COG2: variants seen among roughly 807,000 people sequenced by gnomAD.
The protein encoded by COG2 is component of oligomeric golgi complex 2, also known as conserved oligomeric Golgi complex subunit 2.
COG2 carries 52 observed loss-of-function variants against 90.6 expected under a neutral mutation model. The ratio of observed to expected loss-of-function variants is 0.57; its 90% CI spans 0.46 to 0.72. COG2 has a LOEUF of 0.72. COG2 is among the 30% of genes least tolerant of loss of function. The pLI, the probability that COG2 is intolerant of heterozygous loss-of-function variation, is 0.00. For missense variants in COG2, 829 were observed against 891.2 expected (o/e 0.93, Z 0.89); for synonymous variants, 337 against 320.4 (o/e 1.05, Z -0.55).
At chr1:230,681,226 C>T (rs1571960155) in intron 10 of COG2, 1 of 152,208 alleles carries the variant, frequency 6.6e-6, no homozygotes, top group Admixed American at 6.5e-5. Context: ...TATAATGAGT[C>T]AGTGGCTGCC....
At chr1:230,644,120 CA>C (rs1455261476) in intron 1 of COG2, among the ~76,000 whole-genome samples, 5 of 152,168 alleles carry the variant, frequency 3.3e-5, no homozygotes, top group Non-Finnish European at 7.3e-5. Flanking sequence ...AATGCAGCTT[CA>C]GGAAGTGAAA....
Position 230,649,837 on chromosome 1 carries a change from G to T in COG2, c.72+7159G>T, listed in dbSNP as rs972576139. ...GTTCATCACCCAGACAGTGAATGTT[G>T]TACCCAATAGATAATTTTTCAGCCC... On this transcript the variant is annotated intron_variant, in intron 1 of 17. Coordinates refer to ENST00000366669, the MANE Select transcript of COG2 (RefSeq NM_007357.3). Among the ~76,000 whole-genome samples, 53 of 152,104 alleles carry T rather than the reference G, an allele frequency of 3.5e-4. 2 individuals are homozygous for T. The highest frequency in any genetic ancestry group is 8.8e-5 in the Non-Finnish European group (6 of 68,014).
At chr1:230,663,029 C>T in intron 3 of COG2, 112 bp from the exon 4 acceptor site, 1 of 629,818 alleles carries the variant, frequency 1.6e-6, no homozygotes, top group East Asian at 3.1e-5. Context: ...TTGTCAATAT[C>T]TGTGTAATAC....
chr1:230,662,776 A>G (rs1256039117), intron 3 of COG2, among the ~76,000 whole-genome samples: 2 of 152,140 alleles, frequency 1.3e-5, no homozygotes, highest in Admixed American at 6.5e-5. Flanking sequence ...TCTTCTGATA[A>G]TCTTTTCTCT....
Position 230,671,587 on chromosome 1 carries a change from T to G in COG2, c.846T>G (p.Phe282Leu), listed in dbSNP as rs145037094. 6 of 1,613,944 alleles carry G rather than the reference T, an allele frequency of 3.7e-6. No individual in the cohort carries two copies. The highest frequency in any genetic ancestry group is 4.2e-6 in the Non-Finnish European group (5 of 1,179,856). The change falls in exon 8 of 18, where the codon TTT becomes TTG. Residue 282 changes from phenylalanine to leucine, a missense_variant. Transcript: ENST00000366669. Reference protein sequence around the residue: ...LQVMYNKLLEFVPHHCRLLRE... With the variant: ...LQVMYNKLLELVPHHCRLLRE... ...TCATGTATAATAAACTCCTGGAGTT[T>G]GTTCCTCACCATTGCCGCCTTCTTC... is the stretch of plus-strand genomic sequence containing the variant.
Position 230,671,551 on chromosome 1 carries a change from T to C in COG2, c.810T>C (p.Asn270=). Reference sequence around the variant, plus strand: ...AGCAGTTTGTTGAATCTCATCCCAATGGCCTTCAGGTCATGTATAATAAAC... The same window carrying C: ...AGCAGTTTGTTGAATCTCATCCCAACGGCCTTCAGGTCATGTATAATAAAC... The part of the protein sequence containing the change: ...IIEQFVESHP[N]GLQVMYNKLL... The change falls in exon 8 of 18, where the codon AAT becomes AAC. Residue 270 remains asparagine, a synonymous_variant. Transcript: ENST00000366669. The C allele has an allele frequency of 6.2e-7, 1 of 1,613,526 alleles. No individual in the cohort carries two copies.
At chr1:230,680,702 A>G (rs950125809) in intron 10 of COG2, 3 of 152,212 alleles carry the variant, frequency 2.0e-5, no homozygotes, top group African/African-American at 7.2e-5. Context: ...TTAAAAAAAC[A>G]CGTTTGAGTT....
rs1251490505 is a variant in COG2 at position 230,660,468 on chromosome 1, A to G, written c.235-290A>G. ...TTTATCTCCAGTTAAAATTTCTCAA[A>G]TTCATTAAAATATTTTATTCAGAGG... On this transcript the variant is annotated intron_variant, in intron 2 of 17. Transcript: ENST00000366669. Among the ~76,000 whole-genome samples the G allele has an allele frequency of 3.3e-5, 5 of 152,338 alleles. No homozygotes were observed. The East Asian group carries it at 9.6e-4, about 29-fold the overall frequency.
chr1:230,656,894 C>T (rs1159734300), intron 1 of COG2, among the ~76,000 whole-genome samples: 1 of 152,102 alleles, frequency 6.6e-6, no homozygotes, highest in Non-Finnish European at 1.5e-5. Flanking sequence ...GATTGCAACT[C>T]CTGCTTCTTT....
chr1:230,675,034 G>A lies in COG2; in HGVS notation c.936G>A (p.Leu312=), dbSNP rs1662550597. 6.2e-7 allele frequency: 1 copy of A among 1,611,732 alleles called. No individual in the cohort carries two copies. The highest frequency in any genetic ancestry group is 1.1e-5 in the South Asian group (1 of 90,474). Residue 312 remains leucine, a synonymous_variant, in exon 9 of 18, where the codon TTG becomes TTA. Coordinates refer to ENST00000366669, the MANE Select transcript of COG2 (RefSeq NM_007357.3). The part of the protein sequence containing the change: ...KGNTVPGYDF[L]VNSVWPQIVQ... ...ATACTGTTCCTGGATATGACTTTTT[G>A]GTGAATTCTGTTTGGCCACAAATAG...
chr1:230,672,658 C>T (rs1662479098), intron 8 of COG2, among the ~76,000 whole-genome samples: 1 of 125,972 alleles, frequency 7.9e-6, no homozygotes, highest in South Asian at 3.1e-4. Context: ...TGACAAAACC[C>T]CATCTTAAAA....
chr1:230,659,406 GTA>G, intron 1 of COG2, 56 bp from the exon 2 acceptor site: 2 of 1,335,660 alleles, frequency 1.5e-6, no homozygotes, highest in East Asian at 4.6e-5. Context: ...CATTTCATTT[GTA>G]TATGTCACTG....
intron 1 of COG2, chr1:230,642,931 T>C (rs981071027): frequency 1.6e-5 from 8 of 503,674 alleles, no homozygotes; most frequent in Admixed American, 3.9e-5. Flanking sequence ...GGTTTTGAGC[T>C]GCATGTCAAA....
intron 7 of COG2, 180 bp downstream of exon 7, chr1:230,669,715 G>A (rs1328002138): frequency 5.9e-6 from 3 of 508,880 alleles, no homozygotes; most frequent in Non-Finnish European, 9.9e-6. Context: ...GTAATGTTAC[G>A]ATGCCAGGAA....
chr1:230,679,069 C>T lies in COG2; in HGVS notation c.1166+17C>T. The T allele has an allele frequency of 6.2e-7, 1 of 1,606,656 alleles. No homozygotes were observed. Among genetic ancestry groups the T allele is most frequent in the Admixed American group, 1.7e-5 (1 of 59,738 alleles). On this transcript the variant is annotated intron_variant, in intron 10 of 17. Coordinates refer to ENST00000366669, the MANE Select transcript of COG2 (RefSeq NM_007357.3). The stretch of plus-strand genomic sequence containing the variant: ...TCAAATAAGGTTGGTCATCTATTCA[C>T]CGCCCCCGCCCCGCACCCTTCTAAA...
chr1:230,688,389 G>C (rs368630961), intron 14 of COG2, 31 bp from the exon 15 acceptor site: 1 of 1,611,758 alleles, frequency 6.2e-7, no homozygotes. Context: ...GCCTGAGCAT[G>C]ATGATTAAAT....
chr1:230,662,222 G>A (rs1190349704), intron 3 of COG2, among the ~76,000 whole-genome samples: 1 of 152,042 alleles, frequency 6.6e-6, no homozygotes, highest in African/African-American at 2.4e-5. Flanking sequence ...TTTCCTGATT[G>A]GTTTAGCCGT....
At chr1:230,666,873 TCTC>T (rs1662334413) in intron 5 of COG2, among the ~76,000 whole-genome samples, 1 of 152,212 alleles carries the variant, frequency 6.6e-6, no homozygotes, top group South Asian at 2.1e-4. Context: ...AATTTATTCT[TCTC>T]TTTTGTGTGG....
chr1:230,649,724 AT>A (rs1661868667), intron 1 of COG2, among the ~76,000 whole-genome samples: 2 of 151,612 alleles, frequency 1.3e-5, no homozygotes, highest in African/African-American at 4.8e-5. Flanking sequence ...TTACTTATTT[AT>A]TTTATTTTAT....
Sources: gnomAD v4.1 joint callset for allele counts (sites outside exome capture counted in the v4.1 genomes callset) on GRCh38, gnomAD v4.1.1 for gene constraint, MANE v1.5 for transcripts, NCBI Gene and HGNC (gene_info 2026-07-23, HGNC 2026-07-21) for gene names.